Variants in PPFIBP2 observed in about 807,000 individuals in gnomAD.
PPFIBP2 encodes liprin-beta-2.
In PPFIBP2, 118 loss-of-function variants were observed where a neutral mutation model predicts 118.3. That is an observed-to-expected ratio of 1.00 (90% CI 0.86 to 1.16). PPFIBP2 has a LOEUF of 1.16. PPFIBP2 is among the 50% of genes most tolerant of loss of function. The probability of loss-of-function intolerance (pLI) is 0.00; values close to 1 mark genes in which losing one functional copy is unlikely to be tolerated. For synonymous variants in PPFIBP2, 414 were observed against 397.4 expected (o/e 1.04, Z -0.50); for missense variants, 1,195 against 1,073.1 (o/e 1.11, Z -1.59).
At chr11:7,574,736 A>C (rs1026532932) in intron 3 of PPFIBP2, among the ~76,000 whole-genome samples, 3 of 152,082 alleles carry the variant, frequency 2.0e-5, no homozygotes, top group African/African-American at 7.2e-5. Flanking sequence ...TGAGTGAGCG[A>C]GGAGGTGCCT....
intron 5 of PPFIBP2, among the ~76,000 whole-genome samples, chr11:7,602,534 A>G (rs1406022752): frequency 1.3e-5 from 2 of 152,060 alleles, no homozygotes; most frequent in Admixed American, 6.5e-5. Flanking sequence ...AGCTGATGCT[A>G]CTCGGTGGAT....
At position 7,616,091 on chromosome 11, in the gene PPFIBP2, T is replaced by A. The variant is rs1298880467; in HGVS notation, c.619-4844T>A. Among the ~76,000 whole-genome samples, 1 of 152,032 alleles carries A rather than the reference T, an allele frequency of 6.6e-6. No individual in the cohort carries two copies. The highest frequency in any genetic ancestry group is 1.5e-5 in the Non-Finnish European group (1 of 67,988). On this transcript the variant is annotated intron_variant, in intron 6 of 23. Transcript: ENST00000299492. The surrounding 1 kb of genome is among the most constrained non-coding windows in gnomAD (Gnocchi z 5.2). ...CATGACCAGTGTCAGGAAGGGGACA[T>A]CCGAAACTAAAGGACAATGCTGAGG...
At chr11:7,573,515 A>G (rs61890234) in intron 3 of PPFIBP2, among the ~76,000 whole-genome samples, 26,201 of 152,172 alleles carry the variant, frequency 0.17, 2,313 homozygotes, top group African/African-American at 0.2. Flanking sequence ...TGCAAATAGG[A>G]GAGTTGAGTA....
At chr11:7,564,313 C>G (rs748116688) in intron 2 of PPFIBP2, among the ~76,000 whole-genome samples, 11 of 152,166 alleles carry the variant, frequency 7.2e-5, no homozygotes, top group Non-Finnish European at 1.5e-4. Context: ...TTGTCAGATT[C>G]CTTTTCAGTG....
chr11:7,592,276 C>T (rs1192341548), intron 3 of PPFIBP2, among the ~76,000 whole-genome samples: 2 of 152,122 alleles, frequency 1.3e-5, no homozygotes, highest in Non-Finnish European at 2.9e-5. Flanking sequence ...CTCCTGTCTG[C>T]CCACAACCAG....
downstream of PPFIBP2, among the ~76,000 whole-genome samples, chr11:7,653,952 C>G (rs935237912): frequency 6.6e-6 from 1 of 152,124 alleles, no homozygotes; most frequent in Non-Finnish European, 1.5e-5. Flanking sequence ...AGGTCCGTGG[C>G]CGCACTGCTT....
At chr11:7,658,321 A>G (rs1341416180), downstream of PPFIBP2, among the ~76,000 whole-genome samples, 2 of 103,616 alleles carry the variant, frequency 1.9e-5, no homozygotes, top group African/African-American at 8.2e-5. Context: ...AACAGTCCCC[A>G]GAGTGTGATA....
chr11:7,620,185 C>A (rs1226330781), intron 6 of PPFIBP2, among the ~76,000 whole-genome samples: 7 of 152,140 alleles, frequency 4.6e-5, no homozygotes, highest in Non-Finnish European at 1.0e-4. Flanking sequence ...TTCAGTGACT[C>A]CCTACTGCCC....
chr11:7,594,056 G>T (rs1454428495), intron 4 of PPFIBP2, among the ~76,000 whole-genome samples: 1 of 152,158 alleles, frequency 6.6e-6, no homozygotes, highest in South Asian at 2.1e-4. Context: ...GAAGGGAGGG[G>T]TTGAGCGGGG....
the PPFIBP2 span, chr11:7,666,763 C>T: frequency 6.6e-6 from 3 of 453,800 alleles, no homozygotes; most frequent in African/African-American, 2.0e-5. Flanking sequence ...GGATGAAGAA[C>T]CTCCATGGGA....
chr11:7,534,991 T>C (rs78301196), intron 1 of PPFIBP2, among the ~76,000 whole-genome samples: 5,200 of 152,310 alleles, frequency 0.034, 128 homozygotes, highest in Non-Finnish European at 0.057. Flanking sequence ...ATAGGCTCTT[T>C]CTGGTGCAGG....
chr11:7,579,643 T>A (rs1856964981), intron 3 of PPFIBP2, among the ~76,000 whole-genome samples: 1 of 152,072 alleles, frequency 6.6e-6, no homozygotes. Context: ...ACAGGAGAAG[T>A]TATGTGTGTG....
chr11:7,666,539 A>G, the PPFIBP2 span: 2 of 1,612,994 alleles, frequency 1.2e-6, no homozygotes, highest in Non-Finnish European at 1.7e-6. Context: ...TGACCAAGAT[A>G]TCCTCCTCTG....
downstream of PPFIBP2, among the ~76,000 whole-genome samples, chr11:7,656,167 G>A (rs1854667882): frequency 6.6e-6 from 1 of 152,190 alleles, no homozygotes. Flanking sequence ...ACTAGAGCTG[G>A]CAGGAAAAGG....
At chr11:7,529,622 A>G (rs1850514556) in intron 1 of PPFIBP2, among the ~76,000 whole-genome samples, 1 of 152,136 alleles carries the variant, frequency 6.6e-6, no homozygotes. Flanking sequence ...CGTGGTCAAG[A>G]CTTGGCCCTT....
intron 21 of PPFIBP2, 118 bp downstream of exon 21, chr11:7,649,772 G>C: frequency 7.0e-7 from 1 of 1,431,172 alleles, no homozygotes; most frequent in South Asian, 1.3e-5. Flanking sequence ...TGGTGCCTGG[G>C]ATTCTTTTGT....
At chr11:7,518,791 C>G (rs1216481985) in intron 1 of PPFIBP2, among the ~76,000 whole-genome samples, 1 of 152,194 alleles carries the variant, frequency 6.6e-6, no homozygotes, top group African/African-American at 2.4e-5. Context: ...ACCTTCAGCT[C>G]TTGCTACTTC....
chr11:7,596,406 T>TA (rs1860317092), intron 4 of PPFIBP2, among the ~76,000 whole-genome samples: 4 of 146,870 alleles, frequency 2.7e-5, no homozygotes, highest in Non-Finnish European at 4.5e-5. Context: ...TTTTTTTTTT[T>TA]AACATTTTTT....
intron 8 of PPFIBP2, among the ~76,000 whole-genome samples, chr11:7,627,062 T>C (rs955579698): frequency 6.6e-6 from 1 of 152,094 alleles, no homozygotes; most frequent in African/African-American, 2.4e-5. Flanking sequence ...GGACAGAGAG[T>C]GCCCCATGCC....
Sources: allele counts gnomAD v4.1 joint callset (sites outside exome capture counted in the v4.1 genomes callset), GRCh38; gene constraint gnomAD v4.1.1; non-coding constraint Gnocchi (gnomAD v3.1); transcripts MANE v1.5; gene names NCBI Gene and HGNC (gene_info 2026-07-23, HGNC 2026-07-21).